The following BTF3L4 variants were observed in gnomAD, a reference collection of about 807,000 sequenced individuals.
The protein encoded by BTF3L4 is transcription factor BTF3 homolog 4.
A neutral mutation model predicts 16.8 loss-of-function variants in BTF3L4; 6 were observed. The observed-to-expected ratio is 0.36, with a 90% CI of 0.20 to 0.71. The LOEUF is 0.71. Ranked by LOEUF, BTF3L4 falls within the 30% of genes least tolerant of loss-of-function variation. The probability of loss-of-function intolerance (pLI) is 0.58; values close to 1 mark genes in which losing one functional copy is unlikely to be tolerated. For synonymous variants in BTF3L4, 39 were observed against 59.8 expected, an observed-to-expected ratio of 0.65 and a Z score of 1.60; for missense variants, 92 against 186.9, an observed-to-expected ratio of 0.49 and a Z score of 2.96.
chr1:52,068,305 G>A (rs754539383), intron 3 of BTF3L4, among the ~76,000 whole-genome samples: 1 of 152,192 alleles, frequency 6.6e-6, no homozygotes, highest in Admixed American at 6.5e-5. Context: ...TTAAACATCT[G>A]CGTGCTAAGC....
intron 3 of BTF3L4, among the ~76,000 whole-genome samples, chr1:52,074,194 T>G (rs898149116): frequency 9.2e-5 from 14 of 151,774 alleles, no homozygotes; most frequent in Non-Finnish European, 2.1e-4. Flanking sequence ...GGTTTGGTTT[T>G]TTTTGTTTGT....
In BTF3L4 at chr1:52,088,426, G is replaced by A. The variant is rs534313860; in HGVS notation, c.*1668G>A. The A allele has an allele frequency of 6.6e-6, 1 of 152,514 alleles. No homozygotes were observed. Among genetic ancestry groups the A allele is most frequent in the African/African-American group, 2.4e-5 (1 of 41,410 alleles). The allele number at this position is 152,514 out of a possible 1,614,324, so 9.4% of individuals were successfully genotyped here. A position where few individuals can be genotyped will look rare whatever the true frequency, so the allele number is the denominator to read the frequency against. ...CCTCTTGTGCTTTTCTTGATGTTGTGTACAGAATTTCCTTTTATATTATTC... is the reference window on the plus strand; with the variant it reads ...CCTCTTGTGCTTTTCTTGATGTTGTATACAGAATTTCCTTTTATATTATTC... On this transcript the variant is annotated 3_prime_UTR_variant, in exon 6 of 6. Coordinates refer to ENST00000313334, the MANE Select transcript of BTF3L4 (RefSeq NM_152265.5).
intron 1 of BTF3L4, 74 bp from the exon 2 acceptor site, chr1:52,059,761 A>G: frequency 7.8e-7 from 1 of 1,288,498 alleles, no homozygotes; most frequent in South Asian, 1.2e-5. Flanking sequence ...GTGAACCAGA[A>G]GGTACTGTTG....
At chr1:52,071,032 GA>G (rs1277589016) in intron 3 of BTF3L4, 1 of 152,092 alleles carries the variant, frequency 6.6e-6, no homozygotes, top group South Asian at 2.1e-4. Flanking sequence ...TGTAACATTT[GA>G]AAATATTTGA....
At chr1:52,079,282 C>T (rs1687005932) in intron 3 of BTF3L4, among the ~76,000 whole-genome samples, 1 of 150,530 alleles carries the variant, frequency 6.6e-6, no homozygotes, top group African/African-American at 2.4e-5. Context: ...ACTTGGGAGG[C>T]TGAGGCAGGA....
intron 2 of BTF3L4, chr1:52,060,654 G>A: frequency 9.4e-7 from 1 of 1,059,646 alleles, no homozygotes; most frequent in Non-Finnish European, 1.2e-6. Flanking sequence ...CCTCAGACCT[G>A]AAGTGGTAGG....
intron 3 of BTF3L4, among the ~76,000 whole-genome samples, chr1:52,076,080 G>A (rs6588420): frequency 0.92 from 139,954 of 152,208 alleles, 65,253 homozygotes; most frequent in Non-Finnish European, 1. Context: ...CACACTACCT[G>A]CAGCATATAT....
At chr1:52,082,857 C>T (rs930081085) in intron 3 of BTF3L4, among the ~76,000 whole-genome samples, 4 of 151,972 alleles carry the variant, frequency 2.6e-5, no homozygotes, top group African/African-American at 7.3e-5. Flanking sequence ...CACCTGGTTA[C>T]GTTTCTGAGT....
At chr1:52,083,832 C>T (rs930592026) in intron 4 of BTF3L4, among the ~76,000 whole-genome samples, 1 of 151,932 alleles carries the variant, frequency 6.6e-6, no homozygotes, top group African/African-American at 2.4e-5. Flanking sequence ...CCAGCCTGAC[C>T]GACATGGTGA....
intron 3 of BTF3L4, among the ~76,000 whole-genome samples, chr1:52,073,870 C>T (rs181154429): frequency 3.4e-4 from 52 of 151,858 alleles, no homozygotes; most frequent in South Asian, 1.5e-3. Context: ...TGGTGGTGGG[C>T]GTCTGTAATC....
At position 52,086,939 on chromosome 1, in the gene BTF3L4, C is replaced by T; in HGVS notation, c.*181C>T. On this transcript the variant is annotated 3_prime_UTR_variant, in exon 6 of 6. Coordinates refer to ENST00000313334, the MANE Select transcript of BTF3L4 (RefSeq NM_152265.5). ...TTTGATTTTGCATTTTGCACTTCCT[C>T]CCAGGATATTTTTTTGGTCAAAATA... 1 of 455,390 alleles carries T rather than the reference C, an allele frequency of 2.2e-6. No individual in the cohort carries two copies. The highest frequency in any genetic ancestry group is 4.0e-6 in the Non-Finnish European group (1 of 252,288). The allele number at this position is 455,390 out of a possible 1,614,324, so 28.2% of individuals were successfully genotyped here.
At chr1:52,061,357 G>A (rs963172030) in intron 2 of BTF3L4, among the ~76,000 whole-genome samples, 5 of 151,646 alleles carry the variant, frequency 3.3e-5, no homozygotes, top group Non-Finnish European at 7.4e-5. Context: ...GTGTGGTGGC[G>A]CATACGTGTA....
Position 52,086,830 on chromosome 1 carries a change from C to G in BTF3L4, c.*72C>G, listed in dbSNP as rs1643976957. The G allele has an allele frequency of 3.5e-6, 3 of 859,940 alleles. No individual in the cohort carries two copies. The South Asian group carries it at 5.2e-5, about 15-fold the overall frequency. 53.3% of individuals were successfully genotyped at this position (859,940 alleles called of 1,614,324 possible). Reference sequence around the variant, plus strand: ...CTATGTGGTTCCAAAGTTTTACAGACATGGAGAACATCACCTGTTACTAGT... The same window carrying G: ...CTATGTGGTTCCAAAGTTTTACAGAGATGGAGAACATCACCTGTTACTAGT... On this transcript the variant is annotated 3_prime_UTR_variant, in exon 6 of 6. Transcript: ENST00000313334.
At chr1:52,072,588 T>A (rs1462445445) in intron 3 of BTF3L4, among the ~76,000 whole-genome samples, 1 of 152,204 alleles carries the variant, frequency 6.6e-6, no homozygotes, top group East Asian at 1.9e-4. Flanking sequence ...TGTCCTTTTG[T>A]GCCTGGAGGC....
chr1:52,080,830 G>A (rs551987749), intron 3 of BTF3L4, among the ~76,000 whole-genome samples: 89 of 136,814 alleles, frequency 6.5e-4, no homozygotes, highest in African/African-American at 1.9e-3. Flanking sequence ...CACTGCGCTC[G>A]GCCTTCTTTT....
rs34625670 is a variant in BTF3L4 at position 52,085,318 on chromosome 1, TTTGTTGTTGTTG to T, written c.371-778_371-767del. On this transcript the variant is annotated intron_variant, in intron 4 of 5. Coordinates refer to ENST00000313334, the MANE Select transcript of BTF3L4 (RefSeq NM_152265.5). The stretch of plus-strand genomic sequence containing the variant: ...ACAAGCATGAGCCACTGTGCCCAGC[TTTGTTGTTGTTG>T]TTGTTGTTGTTGTTGCTTGGTTTTT... Among the ~76,000 whole-genome samples the T allele has an allele frequency of 6.1e-3, 905 of 148,002 alleles. 6 individuals are homozygous for T. Among genetic ancestry groups the T allele is most frequent in the African/African-American group, 0.021 (829 of 40,202 alleles).
intron 5 of BTF3L4, 44 bp from the exon 6 acceptor site, chr1:52,086,667 CT>C: frequency 3.0e-6 from 4 of 1,313,022 alleles, no homozygotes; most frequent in African/African-American, 3.0e-5. Context: ...CCTCTTTTTC[CT>C]TTTTTGTATT....
At chr1:52,060,411 A>G (rs745843104) in intron 2 of BTF3L4, 8 of 1,206,470 alleles carry the variant, frequency 6.6e-6, no homozygotes, top group Non-Finnish European at 8.7e-6. Flanking sequence ...TTGATTATAT[A>G]TTTTGTTCAT....
At chr1:52,085,206 A>G (rs1007130830) in intron 4 of BTF3L4, among the ~76,000 whole-genome samples, 2 of 151,258 alleles carry the variant, frequency 1.3e-5, no homozygotes, top group Non-Finnish European at 2.9e-5. Flanking sequence ...TTTTTAGTAG[A>G]GACAGGGTTT....
Sources: allele counts gnomAD v4.1 joint callset (sites outside exome capture counted in the v4.1 genomes callset), GRCh38; gene constraint gnomAD v4.1.1; transcripts MANE v1.5; gene names NCBI Gene and HGNC (gene_info 2026-07-23, HGNC 2026-07-21).